Variants in PDSS1 observed in about 807,000 individuals in gnomAD.
PDSS1 encodes the protein decaprenyl diphosphate synthase subunit 1.
PDSS1 carries 43 observed loss-of-function variants against 57.5 expected under a neutral mutation model. That is an observed-to-expected ratio of 0.75 (90% CI 0.59 to 0.96). The LOEUF (loss-of-function observed/expected upper bound fraction) is 0.96, where lower values mean the gene tolerates loss of function less well. Among genes scored for constraint, PDSS1 ranks in the 50% least tolerant of loss-of-function variants. The pLI is 0.00. For synonymous variants in PDSS1, 175 were observed against 191.3 expected (o/e 0.91, Z 0.70); for missense variants, 438 against 527.8 (o/e 0.83, Z 1.67).
At chr10:26,728,482 C>T (rs937546360) in intron 8 of PDSS1, among the ~76,000 whole-genome samples, 4 of 150,856 alleles carry the variant, frequency 2.7e-5, no homozygotes, top group Non-Finnish European at 4.4e-5. Context: ...AAGAGTGAAA[C>T]TCCATCTCAA....
chr10:26,732,719 C>T (rs1836255023), intron 8 of PDSS1, among the ~76,000 whole-genome samples: 2 of 152,254 alleles, frequency 1.3e-5, no homozygotes, highest in African/African-American at 4.8e-5. Flanking sequence ...CTTTTATCAT[C>T]ACCAACCACA....
At chr10:26,742,360 C>T (rs2132319438) in intron 10 of PDSS1, 137 bp from the exon 11 acceptor site, 1 of 714,964 alleles carries the variant, frequency 1.4e-6, no homozygotes, top group Non-Finnish European at 2.5e-6. Context: ...TTTACTGCTC[C>T]CCCACATCAT....
At chr10:26,719,752 C>T (rs747878630) in intron 5 of PDSS1, among the ~76,000 whole-genome samples, 5 of 152,094 alleles carry the variant, frequency 3.3e-5, no homozygotes, top group African/African-American at 7.2e-5. Context: ...GGTGACAGAG[C>T]GAGACCCTGT....
At chr10:26,738,590 C>T (rs917514620) in intron 10 of PDSS1, among the ~76,000 whole-genome samples, 2 of 152,156 alleles carry the variant, frequency 1.3e-5, no homozygotes, top group Non-Finnish European at 2.9e-5. Flanking sequence ...AGTTCTAAGA[C>T]GTCTGTAATC....
intron 6 of PDSS1, among the ~76,000 whole-genome samples, chr10:26,722,573 G>A (rs1262205439): frequency 3.3e-5 from 5 of 151,920 alleles, no homozygotes; most frequent in Admixed American, 6.6e-5. Flanking sequence ...GCGTGGTGGT[G>A]TACGCTTGTA....
chr10:26,702,476 A>G (rs547327749), intron 2 of PDSS1, among the ~76,000 whole-genome samples: 5 of 152,148 alleles, frequency 3.3e-5, no homozygotes, highest in Non-Finnish European at 5.9e-5. Context: ...TGATGGTTTT[A>G]TAAGTGATTG....
At chr10:26,729,937 G>C (rs1391556348) in intron 8 of PDSS1, among the ~76,000 whole-genome samples, 1 of 129,108 alleles carries the variant, frequency 7.7e-6, no homozygotes, top group East Asian at 2.3e-4. Context: ...TTTTGAGACG[G>C]AGTCTTGCTC....
intron 8 of PDSS1, among the ~76,000 whole-genome samples, chr10:26,730,050 C>T (rs1588697369): frequency 6.6e-6 from 1 of 151,274 alleles, no homozygotes. Context: ...GTAGCTGGGA[C>T]TACAGGTGCC....
chr10:26,745,011 A>C (rs1836778988), intron 11 of PDSS1, among the ~76,000 whole-genome samples: 1 of 151,906 alleles, frequency 6.6e-6, no homozygotes, highest in Admixed American at 6.6e-5. Flanking sequence ...TAAAAATACA[A>C]ACATTAGCCA....
chr10:26,721,842 A>C (rs1835797517), intron 6 of PDSS1, among the ~76,000 whole-genome samples: 1 of 152,218 alleles, frequency 6.6e-6, no homozygotes, highest in South Asian at 2.1e-4. Context: ...GGTCAAGGAC[A>C]CATGTGCCGC....
chr10:26,700,022 C>T (rs985671879), intron 1 of PDSS1, among the ~76,000 whole-genome samples: 4 of 152,190 alleles, frequency 2.6e-5, no homozygotes, highest in Non-Finnish European at 4.4e-5. Flanking sequence ...AATTAAGCCA[C>T]GTCTTGCTCT....
At chr10:26,708,219 GATGGGCCC>G (rs1408881673) in intron 4 of PDSS1, among the ~76,000 whole-genome samples, 1 of 152,182 alleles carries the variant, frequency 6.6e-6, no homozygotes, top group African/African-American at 2.4e-5. Context: ...CTGAATGAAC[GATGGGCCC>G]ACTTTGTTGT....
Position 26,717,638 on chromosome 10 carries a change from T to C in PDSS1, c.468-2580T>C, listed in dbSNP as rs2132252695. 3 of 152,336 alleles carry C rather than the reference T, an allele frequency of 2.0e-5. No homozygotes were observed. In the South Asian group the frequency reaches 6.2e-4, roughly 32 times the overall value. The allele number at this position is 152,336 out of a possible 1,614,324, so 9.4% of individuals were successfully genotyped here. A position where few individuals can be genotyped will look rare whatever the true frequency, so the allele number is the denominator to read the frequency against. On this transcript the variant is annotated intron_variant, in intron 5 of 11. Coordinates refer to ENST00000376215, the MANE Select transcript of PDSS1 (RefSeq NM_014317.5). ...GATTACCAAAACAACTCTAGTATCT[T>C]GGTGAGTGCTGCCAATTTCATTGCA...
rs1201212881 is a variant in PDSS1, at chr10:26,699,381, GCTT to G, written c.129+1557_129+1559del. On this transcript the variant is annotated intron_variant, in intron 1 of 11. Coordinates refer to ENST00000376215, the MANE Select transcript of PDSS1 (RefSeq NM_014317.5). ...CATCCACCCTCTTATGCCACTACAT[GCTT>G]CTTCTTCTTCTTCTTTTTTTTTTTT... Among the ~76,000 whole-genome samples the G allele has an allele frequency of 2.9e-4, 43 of 147,846 alleles. 1 individual carries two copies. Among genetic ancestry groups the G allele is most frequent in the South Asian group, 2.2e-3 (10 of 4,582 alleles).
At chr10:26,710,591 T>C (rs1835388038) in intron 5 of PDSS1, among the ~76,000 whole-genome samples, 1 of 94,814 alleles carries the variant, frequency 1.1e-5, no homozygotes, top group African/African-American at 3.5e-5. Flanking sequence ...CCACCCACCT[T>C]GGCCTCCCAA....
intron 10 of PDSS1, among the ~76,000 whole-genome samples, chr10:26,737,461 G>A (rs926971230): frequency 6.6e-6 from 1 of 152,064 alleles, no homozygotes; most frequent in Non-Finnish European, 1.5e-5. Context: ...CTGGTTAGGC[G>A]GTGGCTCATG....
chr10:26,720,770 A>G (rs780518865), intron 6 of PDSS1, among the ~76,000 whole-genome samples: 2 of 152,232 alleles, frequency 1.3e-5, no homozygotes, highest in Non-Finnish European at 2.9e-5. Flanking sequence ...GAAACCTCAG[A>G]GAGATACTGT....
intron 5 of PDSS1, among the ~76,000 whole-genome samples, chr10:26,711,005 G>C (rs1047762728): frequency 1.0e-5 from 1 of 98,846 alleles, no homozygotes; most frequent in Non-Finnish European, 2.4e-5. Flanking sequence ...AAGGCCAACA[G>C]GTACCAACCA....
rs755457664 is a variant in PDSS1, at chr10:26,735,328, T to G, written c.912+8T>G. 2 of 1,590,898 alleles carry G rather than the reference T, an allele frequency of 1.3e-6. No individual in the cohort carries two copies. Among genetic ancestry groups the G allele is most frequent in the Admixed American group, 1.7e-5 (1 of 60,006 alleles). On this transcript the variant is annotated splice_region_variant and intron_variant, in intron 9 of 11. Transcript: ENST00000376215. ...GTAGGAATAGCTTTTCAGGTTAGTA[T>G]GCTTTTTATTTGTAAGAATGGTGGC... is the stretch of plus-strand genomic sequence containing the variant.
Sources: gnomAD v4.1 joint callset for allele counts (sites outside exome capture counted in the v4.1 genomes callset) on GRCh38, gnomAD v4.1.1 for gene constraint, MANE v1.5 for transcripts, NCBI Gene and HGNC (gene_info 2026-07-23, HGNC 2026-07-21) for gene names.